Variants in ANKRD12 observed in about 807,000 individuals in gnomAD.
The protein encoded by ANKRD12 is ankyrin repeat domain 12.
Under a neutral mutation model 183.4 loss-of-function variants are expected in ANKRD12, and 85 were observed. The observed-to-expected ratio is 0.46, with a 90% CI of 0.39 to 0.56. The LOEUF (loss-of-function observed/expected upper bound fraction) is 0.56. Ranked by LOEUF, ANKRD12 falls within the 20% of genes least tolerant of loss-of-function variation. The probability of loss-of-function intolerance (pLI) is 0.00; values close to 1 mark genes in which losing one functional copy is unlikely to be tolerated. For missense variants in ANKRD12, 2,405 were observed against 2,357.1 expected (o/e 1.02, Z -0.42); for synonymous variants, 914 against 800.2 (o/e 1.14, Z -2.40).
intron 1 of ANKRD12, among the ~76,000 whole-genome samples, chr18:9,157,585 G>GTGTGTGTGTATATATATATA (rs1472659778): frequency 7.6e-5 from 7 of 92,706 alleles, no homozygotes; most frequent in African/African-American, 3.7e-4. Flanking sequence ...GTGTGTGTGT[G>GTGTGTGTGTATATATATATA]TATATATATA....
chr18:9,203,792 A>G (rs1222912238), intron 3 of ANKRD12, among the ~76,000 whole-genome samples: 1 of 151,972 alleles, frequency 6.6e-6, no homozygotes, highest in African/African-American at 2.4e-5. Flanking sequence ...TTTAGTAGGG[A>G]TGGGGTTTCA....
intron 1 of ANKRD12, among the ~76,000 whole-genome samples, chr18:9,175,979 A>G (rs879459867): frequency 6.6e-6 from 1 of 152,146 alleles, no homozygotes; most frequent in Non-Finnish European, 1.5e-5. Flanking sequence ...CAATTTAGTT[A>G]TTGTACTAAG....
chr18:9,198,836 A>G (rs1253393890), intron 3 of ANKRD12, among the ~76,000 whole-genome samples: 1 of 152,158 alleles, frequency 6.6e-6, no homozygotes. Context: ...GTGAGCCAAC[A>G]TGCCTGGCCT....
chr18:9,171,600 C>G (rs150047398), intron 1 of ANKRD12, among the ~76,000 whole-genome samples: 3,400 of 152,196 alleles, frequency 0.022, 66 homozygotes, highest in South Asian at 0.056. Flanking sequence ...TTTAGTGCTT[C>G]TTTTGGGAGC....
intron 1 of ANKRD12, among the ~76,000 whole-genome samples, chr18:9,160,242 A>G (rs1460738567): frequency 6.6e-6 from 1 of 152,142 alleles, no homozygotes; most frequent in African/African-American, 2.4e-5. Context: ...CAGCCTTCTG[A>G]GTAGCTGGGA....
chr18:9,197,742 T>G (rs993216808), intron 3 of ANKRD12, among the ~76,000 whole-genome samples: 3 of 152,228 alleles, frequency 2.0e-5, no homozygotes, highest in African/African-American at 7.2e-5. Flanking sequence ...ATAAAGATCT[T>G]CATCCTCATT....
intron 3 of ANKRD12, among the ~76,000 whole-genome samples, chr18:9,198,825 A>G (rs1475900045): frequency 6.6e-6 from 1 of 152,036 alleles, no homozygotes; most frequent in Non-Finnish European, 1.5e-5. Context: ...GGATTACAGG[A>G]GTGAGCCAAC....
intron 1 of ANKRD12, among the ~76,000 whole-genome samples, chr18:9,174,345 A>G (rs373905161): frequency 4.1e-4 from 62 of 152,302 alleles, no homozygotes; most frequent in African/African-American, 1.4e-3. Context: ...CCCTCTTCCT[A>G]GGGGAGGATA....
chr18:9,147,200 T>C (rs886870185), intron 1 of ANKRD12, among the ~76,000 whole-genome samples: 4 of 152,184 alleles, frequency 2.6e-5, no homozygotes, highest in African/African-American at 7.2e-5. Context: ...ATCTCACTTA[T>C]CTTATGTACC....
intron 8 of ANKRD12, among the ~76,000 whole-genome samples, chr18:9,240,045 A>G (rs1370636470): frequency 6.6e-6 from 1 of 152,190 alleles, no homozygotes; most frequent in Non-Finnish European, 1.5e-5. Flanking sequence ...TTATGGAAAA[A>G]AATGTCCACT....
chr18:9,145,145 T>C (rs1304499507), intron 1 of ANKRD12, among the ~76,000 whole-genome samples: 3 of 152,160 alleles, frequency 2.0e-5, no homozygotes, highest in Non-Finnish European at 4.4e-5. Context: ...TTTTTAGGTA[T>C]GGGTTCTTGC....
At chr18:9,275,142 G>A (rs2145445638) in intron 10 of ANKRD12, among the ~76,000 whole-genome samples, 1 of 152,220 alleles carries the variant, frequency 6.6e-6, no homozygotes, top group South Asian at 2.1e-4. Flanking sequence ...AGTGAACTAG[G>A]ATCATGCCTA....
chr18:9,258,358 C>T lies in ANKRD12; in HGVS notation c.5091C>T (p.Asn1697=). The T allele has an allele frequency of 6.2e-7, 1 of 1,613,652 alleles. No individual in the cohort carries two copies. Residue 1697 remains asparagine, a synonymous_variant, in exon 9 of 13, where the codon AAC becomes AAT. Transcript: ENST00000262126. ...AAAGCATTTTATCAAGTCTGGAAAA[C>T]CATTCACAGCAGTCAACTCAACCAG... ...SQQSILSSLE[N]HSQQSTQPEM...
At chr18:9,219,003 A>G (rs542598378) in intron 7 of ANKRD12, among the ~76,000 whole-genome samples, 1 of 152,206 alleles carries the variant, frequency 6.6e-6, no homozygotes, top group South Asian at 2.1e-4. Context: ...TTCTAGTTCT[A>G]TTTTAGATAC....
In ANKRD12 at chr18:9,210,194, T is replaced by G. The variant is rs1281092365; in HGVS notation, c.452-1390T>G. ...GTTTGTGGTTGTTTTATTCATTAGA[T>G]AAGTCTTTAGATTTTAAGAAATTCA... On this transcript the variant is annotated intron_variant, in intron 5 of 12. Coordinates refer to ENST00000262126, the MANE Select transcript of ANKRD12 (RefSeq NM_015208.5). Among the ~76,000 whole-genome samples the G allele has an allele frequency of 2.0e-5, 3 of 152,016 alleles. No homozygotes were observed. The East Asian group carries it at 5.8e-4, about 29-fold the overall frequency.
At chr18:9,164,311 A>T (rs921814312) in intron 1 of ANKRD12, among the ~76,000 whole-genome samples, 2 of 152,202 alleles carry the variant, frequency 1.3e-5, no homozygotes, top group South Asian at 4.1e-4. Flanking sequence ...TGTGTATGTG[A>T]TGAATTACAT....
rs1238598862 is a variant in ANKRD12 at position 9,239,633 on chromosome 18, TGA to T, written c.944-14576_944-14575del. The T allele has an allele frequency of 4.9e-6, 3 of 607,266 alleles. No individual in the cohort carries two copies. The African/African-American group carries it at 5.8e-5, about 12-fold the overall frequency. The allele number at this position is 607,266 out of a possible 1,614,324, so 37.6% of individuals were successfully genotyped here. A position where few individuals can be genotyped will look rare whatever the true frequency, so the allele number is the denominator to read the frequency against. ...CCCAAAATTTATTACTTAATTTACA[TGA>T]GGTCCTTGTTAGATTTAACTGTACC... is the stretch of plus-strand genomic sequence containing the variant. On this transcript the variant is annotated intron_variant, in intron 8 of 12. Coordinates refer to ENST00000262126, the MANE Select transcript of ANKRD12 (RefSeq NM_015208.5).
chr18:9,171,769 C>T (rs879673965), intron 1 of ANKRD12, among the ~76,000 whole-genome samples: 1 of 151,974 alleles, frequency 6.6e-6, no homozygotes, highest in Non-Finnish European at 1.5e-5. Context: ...GTCTGTAATC[C>T]CATCACTTTT....
At chr18:9,214,519 A>G (rs1383829051) in intron 6 of ANKRD12, among the ~76,000 whole-genome samples, 1 of 152,154 alleles carries the variant, frequency 6.6e-6, no homozygotes, top group Non-Finnish European at 1.5e-5. Flanking sequence ...AGTAAGTTGC[A>G]TGCCACAGTG....
Sources: allele counts gnomAD v4.1 joint callset (sites outside exome capture counted in the v4.1 genomes callset), GRCh38; gene constraint gnomAD v4.1.1; transcripts MANE v1.5; gene names NCBI Gene and HGNC (gene_info 2026-07-23, HGNC 2026-07-21).